NBAS: variants seen among roughly 807,000 people sequenced by gnomAD.
NBAS encodes the protein NBAS subunit of NRZ tethering complex.
A neutral mutation model predicts 302.5 loss-of-function variants in NBAS; 219 were observed. The observed-to-expected ratio is 0.72, with a 90% CI of 0.65 to 0.81. The LOEUF (loss-of-function observed/expected upper bound fraction) is 0.81, where lower values mean the gene tolerates loss of function less well. NBAS is among the 30% of genes least tolerant of loss of function. The pLI is 0.00. For synonymous variants in NBAS, 1,118 were observed against 1,021.6 expected (o/e 1.09, Z -1.80); for missense variants, 2,932 against 2,841.6 (o/e 1.03, Z -0.72).
the NBAS span, among the ~76,000 whole-genome samples, chr2:14,884,265 G>T: frequency 6.6e-6 from 1 of 152,250 alleles, no homozygotes; most frequent in South Asian, 2.1e-4. Context: ...AGAATGCAAA[G>T]GACCCTCAAG....
the NBAS span, among the ~76,000 whole-genome samples, chr2:14,959,531 A>G: frequency 6.6e-6 from 1 of 152,170 alleles, no homozygotes; most frequent in Non-Finnish European, 1.5e-5. Context: ...TCTAGAATAC[A>G]TTTTATGCTC....
chr2:15,255,674 G>A (rs145313731), intron 44 of NBAS, among the ~76,000 whole-genome samples: 93 of 152,218 alleles, frequency 6.1e-4, no homozygotes, highest in African/African-American at 2.1e-3. Context: ...GAATTTTTAT[G>A]CTTCAGGTGT....
At chr2:15,220,288 G>A (rs1407843774) in intron 47 of NBAS, among the ~76,000 whole-genome samples, 4 of 152,212 alleles carry the variant, frequency 2.6e-5, no homozygotes, top group East Asian at 1.9e-4. Context: ...CGGACGGGGC[G>A]GCTATATATC....
chr2:14,809,662 G>A, the NBAS span, among the ~76,000 whole-genome samples: 1 of 152,164 alleles, frequency 6.6e-6, no homozygotes, highest in African/African-American at 2.4e-5. Flanking sequence ...TGTGGTCAGA[G>A]CCCCCACACA....
intron 25 of NBAS, among the ~76,000 whole-genome samples, chr2:15,408,969 C>G (rs1676553872): frequency 6.6e-6 from 1 of 152,056 alleles, no homozygotes; most frequent in Non-Finnish European, 1.5e-5. Context: ...GCCAGAAGTT[C>G]CAGAGACCAG....
chr2:15,129,659 C>G, the NBAS span, among the ~76,000 whole-genome samples: 1 of 152,172 alleles, frequency 6.6e-6, no homozygotes, highest in Non-Finnish European at 1.5e-5. Context: ...CCCTTCCTGC[C>G]CAAACTCTTT....
At chr2:15,487,201 C>G (rs1452093047) in intron 12 of NBAS, among the ~76,000 whole-genome samples, 2 of 152,150 alleles carry the variant, frequency 1.3e-5, no homozygotes, top group Non-Finnish European at 1.5e-5. Context: ...GAACATCAGG[C>G]TCCTCTCAAA....
At chr2:15,160,297 GA>G in the NBAS span, among the ~76,000 whole-genome samples, 1 of 152,136 alleles carries the variant, frequency 6.6e-6, no homozygotes, top group South Asian at 2.1e-4. Context: ...GGCAGCTTAA[GA>G]AGGCATTCAA....
At chr2:15,548,209 C>T (rs954151238) in intron 6 of NBAS, among the ~76,000 whole-genome samples, 31 of 152,192 alleles carry the variant, frequency 2.0e-4, no homozygotes, top group African/African-American at 7.0e-4. Context: ...CCACTTGATA[C>T]GGTCAAAAAT....
At chr2:14,969,582 G>A in the NBAS span, among the ~76,000 whole-genome samples, 1 of 152,032 alleles carries the variant, frequency 6.6e-6, no homozygotes, top group Non-Finnish European at 1.5e-5. Flanking sequence ...TCACCATGTT[G>A]GCCAGGCTGG....
the NBAS span, among the ~76,000 whole-genome samples, chr2:14,787,300 T>C: frequency 6.6e-6 from 1 of 152,210 alleles, no homozygotes; most frequent in Non-Finnish European, 1.5e-5. Context: ...GTCTTTTAAT[T>C]GGAGCATTTA....
the NBAS span, among the ~76,000 whole-genome samples, chr2:15,008,431 C>T: frequency 6.6e-6 from 1 of 152,224 alleles, no homozygotes; most frequent in Non-Finnish European, 1.5e-5. Flanking sequence ...CATAACCTCT[C>T]ACTCCAAGTG....
At chr2:15,218,654 CT>C (rs750660869) in intron 48 of NBAS, 118 bp downstream of exon 48, 48 of 1,333,106 alleles carry the variant, frequency 3.6e-5, no homozygotes, top group Non-Finnish European at 5.1e-5. Context: ...TCTTGAACTC[CT>C]GGCCTCAGGT....
intron 41 of NBAS, among the ~76,000 whole-genome samples, chr2:15,289,054 T>C (rs1670185821): frequency 6.6e-6 from 1 of 152,218 alleles, no homozygotes; most frequent in Non-Finnish European, 1.5e-5. Context: ...TAGGTCATTG[T>C]CAATTAGCAA....
At chr2:15,221,942 A>C (rs939975207) in intron 47 of NBAS, among the ~76,000 whole-genome samples, 1 of 152,208 alleles carries the variant, frequency 6.6e-6, no homozygotes, top group Admixed American at 6.5e-5. Context: ...CACTGCCCAC[A>C]TTTGCCACTT....
At chr2:14,868,100 T>C in the NBAS span, among the ~76,000 whole-genome samples, 1 of 152,174 alleles carries the variant, frequency 6.6e-6, no homozygotes, top group Non-Finnish European at 1.5e-5. Context: ...TCAATTATTA[T>C]CTTTATTTTA....
chr2:15,379,512 A>T, intron 30 of NBAS, 90 bp downstream of exon 30: 1 of 1,294,100 alleles, frequency 7.7e-7, no homozygotes, highest in Non-Finnish European at 1.1e-6. Context: ...TACCTGTGAT[A>T]ATATATTTGG....
chr2:14,955,036 C>T, the NBAS span, among the ~76,000 whole-genome samples: 1 of 152,154 alleles, frequency 6.6e-6, no homozygotes, highest in African/African-American at 2.4e-5. Context: ...TCCCTTCCAC[C>T]TATGAACCTG....
At chr2:14,878,702 GT>G in the NBAS span, among the ~76,000 whole-genome samples, 2 of 152,244 alleles carry the variant, frequency 1.3e-5, no homozygotes, top group East Asian at 3.9e-4. Context: ...AGTAATGGCA[GT>G]TCCCACATAC....
Sources: gnomAD v4.1 joint callset for allele counts (sites outside exome capture counted in the v4.1 genomes callset) on GRCh38, gnomAD v4.1.1 for gene constraint, MANE v1.5 for transcripts, NCBI Gene and HGNC (gene_info 2026-07-23, HGNC 2026-07-21) for gene names.